The following JAKMIP1 variants were observed in gnomAD, a reference collection of about 807,000 sequenced individuals.
The protein encoded by JAKMIP1 is janus kinase and microtubule-interacting protein 1.
In JAKMIP1, 33 loss-of-function variants were observed where a neutral mutation model predicts 113.0. The ratio of observed to expected loss-of-function variants is 0.29; its 90% CI spans 0.22 to 0.39. The LOEUF (loss-of-function observed/expected upper bound fraction) is 0.39. Among genes scored for constraint, JAKMIP1 ranks in the 10% least tolerant of loss-of-function variants. The pLI is 1.00. For synonymous variants in JAKMIP1, 480 were observed against 459.9 expected (o/e 1.04, Z -0.56); for missense variants, 813 against 1,080.5 (o/e 0.75, Z 3.47).
intron 1 of JAKMIP1, among the ~76,000 whole-genome samples, chr4:6,130,089 G>C (rs1169320629): frequency 2.0e-5 from 3 of 152,216 alleles, no homozygotes; most frequent in Admixed American, 6.5e-5. Flanking sequence ...ACCCCAGAAA[G>C]ATCAGAGAAA....
intron 1 of JAKMIP1, among the ~76,000 whole-genome samples, chr4:6,124,959 C>T (rs1024047726): frequency 6.6e-6 from 1 of 152,194 alleles, no homozygotes; most frequent in Non-Finnish European, 1.5e-5. Context: ...GAGACAGACC[C>T]ATTTTACAGA....
rs565842837 is a variant in JAKMIP1, at chr4:6,093,555, C to T, written c.625-7926G>A. 2.0e-5 allele frequency among the ~76,000 whole-genome samples: 3 copies of T among 152,236 alleles called. No homozygotes were observed. Among genetic ancestry groups the T allele is most frequent in the East Asian group, 1.9e-4 (1 of 5,176 alleles). On this transcript the variant is annotated intron_variant, in intron 3 of 20. Transcript: ENST00000409021. The surrounding 1 kb of genome is among the most constrained non-coding windows in gnomAD (Gnocchi z 4.6). ...CTTCCAAGGCTGATAACCAACCCAA[C>T]GAGATGTCCCAAAAAGACAGCTTCA...
intron 11 of JAKMIP1, among the ~76,000 whole-genome samples, chr4:6,057,411 G>A (rs1374950773): frequency 6.6e-6 from 1 of 152,182 alleles, no homozygotes; most frequent in Non-Finnish European, 1.5e-5. Context: ...CAAGCACCAG[G>A]CTGGGCCGGG....
intron 13 of JAKMIP1, among the ~76,000 whole-genome samples, chr4:6,052,769 A>G (rs1161593753): frequency 1.3e-5 from 2 of 152,044 alleles, no homozygotes; most frequent in Non-Finnish European, 2.9e-5. Context: ...CATGAGAAAG[A>G]CTCATAACAA....
intron 11 of JAKMIP1, 67 bp downstream of exon 11, chr4:6,060,357 G>A: frequency 8.2e-7 from 1 of 1,221,728 alleles, no homozygotes; most frequent in South Asian, 1.2e-5. Context: ...ACAAGGGCGA[G>A]CCCCAGGGAT....
In JAKMIP1 at chr4:6,138,483, T is replaced by C. The variant is rs1435036502; in HGVS notation, c.-147-25486A>G. Among the ~76,000 whole-genome samples the C allele has an allele frequency of 1.3e-5, 2 of 151,646 alleles. No individual in the cohort carries two copies. Among genetic ancestry groups the C allele is most frequent in the South Asian group, 4.1e-4 (2 of 4,834 alleles). ...AACTCCTGACCTCACGTGATCCACC[T>C]GCCTCGGCCTCCCAAAATGCTGGGA... On this transcript the variant is annotated intron_variant, in intron 1 of 20. Coordinates refer to ENST00000409021, the MANE Select transcript of JAKMIP1 (RefSeq NM_001099433.2). This position sits in a 1 kb window ranked among gnomAD's most constrained non-coding sequence, Gnocchi z 6.0.
At chr4:6,075,440 G>A (rs1578163069) in intron 8 of JAKMIP1, among the ~76,000 whole-genome samples, 1 of 152,248 alleles carries the variant, frequency 6.6e-6, no homozygotes, top group Non-Finnish European at 1.5e-5. Flanking sequence ...CACAATGCCA[G>A]GATTAAGTAG....
chr4:6,085,426 GC>G lies in JAKMIP1; in HGVS notation c.827del (p.Gly276AlafsTer12). ...ACAAGCTGCTGCCCCTCACCTGGACGCCCATGAGCTCCACCATGTCCCCGAT... is the reference window on the plus strand; with the variant it reads ...ACAAGCTGCTGCCCCTCACCTGGACGCCATGAGCTCCACCATGTCCCCGAT... ...PGIGDMVELM[G>X]VQDQHMDERD... is the part of the protein sequence containing the mutation. On this transcript the variant is annotated frameshift_variant, in exon 4 of 21. Transcript: ENST00000409021. LOFTEE classifies it high-confidence loss of function. 6.2e-7 allele frequency: 1 copy of G among 1,612,550 alleles called. No individual in the cohort carries two copies. The highest frequency in any genetic ancestry group is 8.5e-7 in the Non-Finnish European group (1 of 1,179,838).
rs140598826 is a variant in JAKMIP1, at chr4:6,047,249, G to A, written c.2028+1608C>T. On this transcript the variant is annotated intron_variant, in intron 16 of 20. Transcript: ENST00000409021. ...ACACTGGTGGATGTGACATCTCCACGTCTCCCAGGGCCGTGCTCAGCACTT... is the reference window on the plus strand; with the variant it reads ...ACACTGGTGGATGTGACATCTCCACATCTCCCAGGGCCGTGCTCAGCACTT... Among the ~76,000 whole-genome samples the A allele has an allele frequency of 2.0e-3, 300 of 152,340 alleles. 3 individuals carry two copies. Among genetic ancestry groups the A allele is most frequent in the Non-Finnish European group, 6.0e-4 (41 of 68,038 alleles).
chr4:6,030,951 C>T (rs769521883), intron 19 of JAKMIP1, among the ~76,000 whole-genome samples: 4 of 152,144 alleles, frequency 2.6e-5, no homozygotes, highest in Non-Finnish European at 5.9e-5. Context: ...CGGTCCGGGG[C>T]CCCTGCTTTG....
At chr4:6,169,980 TACCACCACCACCACCACC>T (rs200501521) in intron 1 of JAKMIP1, among the ~76,000 whole-genome samples, 3 of 107,760 alleles carry the variant, frequency 2.8e-5, no homozygotes, top group Non-Finnish European at 4.1e-5. Context: ...CCACCACCAC[TACCACCACCACCACCACC>T]ACCACCACCA....
In JAKMIP1 at chr4:6,070,294, T is replaced by C. The variant is rs1346424939; in HGVS notation, c.1303-5286A>G. 4 of 387,974 alleles carry C rather than the reference T, an allele frequency of 1.0e-5. No homozygotes were observed. In the East Asian group the frequency reaches 1.5e-4, roughly 14 times the overall value. 24.0% of individuals were successfully genotyped at this position (387,974 alleles called of 1,614,324 possible). On this transcript the variant is annotated intron_variant, in intron 8 of 20. Transcript: ENST00000409021. ...CAATTCTCTCCCCACGCACTCCCCT[T>C]TCCTCTAACACACCCGCCCTAGCAA... is the stretch of plus-strand genomic sequence containing the variant.
intron 1 of JAKMIP1, among the ~76,000 whole-genome samples, chr4:6,189,669 A>G (rs1189403898): frequency 6.6e-6 from 1 of 152,190 alleles, no homozygotes; most frequent in Non-Finnish European, 1.5e-5. Context: ...CAGACAAGTC[A>G]CTGGCAGCTG....
rs1714706039 is a variant in JAKMIP1 at position 6,044,217 on chromosome 4, C to T, written c.2029-1990G>A. On this transcript the variant is annotated intron_variant, in intron 16 of 20. Transcript: ENST00000409021. This position sits in a 1 kb window ranked among gnomAD's most constrained non-coding sequence, Gnocchi z 4.4. ...CTGTTGTCTGTTTCACCCCTCACCCCGCTGCCCCCCTTGAAGGTGGGGACC... is the reference window on the plus strand; with the variant it reads ...CTGTTGTCTGTTTCACCCCTCACCCTGCTGCCCCCCTTGAAGGTGGGGACC... Among the ~76,000 whole-genome samples the T allele has an allele frequency of 1.3e-5, 2 of 152,096 alleles. No homozygotes were observed. Among genetic ancestry groups the T allele is most frequent in the African/African-American group, 2.4e-5 (1 of 41,414 alleles).
rs1018787386 is a variant in JAKMIP1 at position 6,155,867 on chromosome 4, T to C, written c.-147-42870A>G. On this transcript the variant is annotated intron_variant, in intron 1 of 20. Coordinates refer to ENST00000409021, the MANE Select transcript of JAKMIP1 (RefSeq NM_001099433.2). This position sits in a 1 kb window ranked among gnomAD's most constrained non-coding sequence, Gnocchi z 6.1. ...CTGCCCTAGACCTCATGAATGGCAC[T>C]CTCTAGAGGTGGGGCCTGGCAATCT... Among the ~76,000 whole-genome samples, 1 of 152,136 alleles carries C rather than the reference T, an allele frequency of 6.6e-6. No homozygotes were observed. The highest frequency in any genetic ancestry group is 1.9e-4 in the East Asian group (1 of 5,200).
At chr4:6,030,210 T>C (rs1712427147) in intron 19 of JAKMIP1, among the ~76,000 whole-genome samples, 1 of 151,736 alleles carries the variant, frequency 6.6e-6, no homozygotes, top group South Asian at 2.1e-4. Flanking sequence ...CACGTACTTG[T>C]CTAAGATTTG....
At chr4:6,035,711 G>C (rs1477628362) in intron 19 of JAKMIP1, among the ~76,000 whole-genome samples, 193 bp downstream of exon 19, 3 of 152,234 alleles carry the variant, frequency 2.0e-5, no homozygotes, top group Admixed American at 6.5e-5. Flanking sequence ...GAATGCCCAA[G>C]TGCCCCACGT....
At chr4:6,110,952 T>C (rs1028118843) in intron 2 of JAKMIP1, among the ~76,000 whole-genome samples, 3 of 150,698 alleles carry the variant, frequency 2.0e-5, no homozygotes, top group African/African-American at 7.3e-5. Context: ...GGCTAAAGGG[T>C]GAACAGGTCA....
At chr4:6,038,539 C>T (rs558843341) in intron 18 of JAKMIP1, among the ~76,000 whole-genome samples, 79 of 152,008 alleles carry the variant, frequency 5.2e-4, no homozygotes, top group Non-Finnish European at 8.1e-4. Context: ...CCTCCATCAC[C>T]GAGGAAGAGG....
Sources: allele counts gnomAD v4.1 joint callset (sites outside exome capture counted in the v4.1 genomes callset), GRCh38; gene constraint gnomAD v4.1.1; non-coding constraint Gnocchi (gnomAD v3.1); transcripts MANE v1.5; gene names NCBI Gene and HGNC (gene_info 2026-07-23, HGNC 2026-07-21).